The following EYS variants were observed in gnomAD, a reference collection of about 807,000 sequenced individuals.
EYS encodes the protein EGF-like photoreceptor maintenance factor, also known as protein eyes shut homolog.
Under a neutral mutation model 282.1 loss-of-function variants are expected in EYS, and 250 were observed. The ratio of observed to expected loss-of-function variants is 0.89; its 90% CI spans 0.80 to 0.98. The LOEUF is 0.98. Among genes scored for constraint, EYS ranks in the 50% least tolerant of loss-of-function variants. The probability of loss-of-function intolerance (pLI) is 0.00; values close to 1 mark genes in which losing one functional copy is unlikely to be tolerated. For missense variants in EYS, 4,016 were observed against 3,709.0 expected (o/e 1.08, Z -2.15); for synonymous variants, 1,355 against 1,282.9 (o/e 1.06, Z -1.20).
At chr6:64,800,609 CTT>C (rs1774511183) in intron 22 of EYS, among the ~76,000 whole-genome samples, 1 of 146,804 alleles carries the variant, frequency 6.8e-6, no homozygotes, top group African/African-American at 2.5e-5. Flanking sequence ...TTATTTAACT[CTT>C]TAGATTCCTG....
chr6:65,215,215 G>A (rs1043061604), intron 12 of EYS, among the ~76,000 whole-genome samples: 1 of 152,204 alleles, frequency 6.6e-6, no homozygotes, highest in South Asian at 2.1e-4. Context: ...AAACATTCTG[G>A]AAAGGATTCA....
chr6:64,776,550 T>G (rs2149990182), intron 22 of EYS, among the ~76,000 whole-genome samples: 1 of 152,212 alleles, frequency 6.6e-6, no homozygotes, highest in South Asian at 2.1e-4. Flanking sequence ...CCCTTTTTTT[T>G]GCTGACTACT....
intron 12 of EYS, among the ~76,000 whole-genome samples, chr6:65,235,053 G>T (rs371738154): frequency 3.9e-5 from 6 of 152,244 alleles, no homozygotes; most frequent in African/African-American, 1.4e-4. Context: ...GTTCATTAAA[G>T]TTTTATCTTT....
Position 64,227,180 on chromosome 6 carries a change from C to G in EYS, c.6424+3412G>C, listed in dbSNP as rs185688998. On this transcript the variant is annotated intron_variant, in intron 31 of 42. Transcript: ENST00000503581. ...TTTTATATTTTAGTTTAAGTGAAAT[C>G]ATTATGAAAAGATATGACCACTCAG... is the stretch of plus-strand genomic sequence containing the variant. 4.6e-5 allele frequency among the ~76,000 whole-genome samples: 7 copies of G among 152,032 alleles called. No individual in the cohort carries two copies. The East Asian group carries it at 1.2e-3, about 25-fold the overall frequency.
intron 19 of EYS, among the ~76,000 whole-genome samples, chr6:64,833,988 C>A (rs1765303355): frequency 6.6e-6 from 1 of 151,850 alleles, no homozygotes; most frequent in African/African-American, 2.4e-5. Context: ...GGGCCCCAAA[C>A]CAGGGCCTTG....
chr6:65,606,680 T>C (rs556179470), intron 2 of EYS, among the ~76,000 whole-genome samples: 1 of 151,848 alleles, frequency 6.6e-6, no homozygotes, highest in Non-Finnish European at 1.5e-5. Context: ...AACAATTTAA[T>C]ACATTTAAAA....
chr6:65,514,606 A>T (rs1258945004), intron 2 of EYS, among the ~76,000 whole-genome samples: 4 of 152,188 alleles, frequency 2.6e-5, no homozygotes, highest in African/African-American at 9.7e-5. Context: ...AGATCAGTGG[A>T]ACAGAACAGA....
intron 29 of EYS, among the ~76,000 whole-genome samples, chr6:64,320,309 C>T (rs1770165631): frequency 6.6e-6 from 1 of 151,742 alleles, no homozygotes; most frequent in South Asian, 2.1e-4. Context: ...TTTGGAACTC[C>T]AGTTACTTGA....
At chr6:64,693,940 A>T (rs1022091275) in intron 22 of EYS, among the ~76,000 whole-genome samples, 2 of 152,194 alleles carry the variant, frequency 1.3e-5, no homozygotes, top group Admixed American at 1.3e-4. Context: ...GAAATGATTA[A>T]AAGGCAATCA....
At chr6:64,191,654 G>A (rs1043684720) in intron 31 of EYS, among the ~76,000 whole-genome samples, 13 of 152,260 alleles carry the variant, frequency 8.5e-5, no homozygotes, top group Admixed American at 4.6e-4. Context: ...CAAAGGACAC[G>A]AACTCATCAT....
chr6:64,314,334 C>A (rs181785287), intron 29 of EYS, among the ~76,000 whole-genome samples: 64 of 151,338 alleles, frequency 4.2e-4, no homozygotes, highest in African/African-American at 1.5e-3. Context: ...GAAGAGCTAA[C>A]TATCCTAAAT....
chr6:65,075,744 T>G (rs898996060), intron 12 of EYS, among the ~76,000 whole-genome samples: 1 of 151,834 alleles, frequency 6.6e-6, no homozygotes, highest in Non-Finnish European at 1.5e-5. Flanking sequence ...AGCCTAATAT[T>G]TCTAAGGAGA....
At position 64,902,049 on chromosome 6, in the gene EYS, G is replaced by C; in HGVS notation, c.2846+64C>G. The C allele has an allele frequency of 4.7e-6, 5 of 1,052,962 alleles. No individual in the cohort carries two copies. In the South Asian group the frequency reaches 7.4e-5, roughly 16 times the overall value. 65.2% of individuals were successfully genotyped at this position (1,052,962 alleles called of 1,614,324 possible). A position where few individuals can be genotyped will look rare whatever the true frequency, so the allele number is the denominator to read the frequency against. Reference sequence around the variant, plus strand: ...CCTTAGTTACATAATGAGCACATGTGTGCTCACTTTCTTGTTGAATTACAC... The same window carrying C: ...CCTTAGTTACATAATGAGCACATGTCTGCTCACTTTCTTGTTGAATTACAC... On this transcript the variant is annotated intron_variant, in intron 18 of 42. Coordinates refer to ENST00000503581, the MANE Select transcript of EYS (RefSeq NM_001142800.2).
intron 13 of EYS, among the ~76,000 whole-genome samples, chr6:65,028,194 AATTAAAATAGTGC>A (rs1772480328): frequency 6.6e-6 from 1 of 152,088 alleles, no homozygotes; most frequent in African/African-American, 2.4e-5. Context: ...CTTACAAACA[AATTAAAATAGTGC>A]AAGAAACTCC....
At chr6:64,311,904 A>G (rs902312524) in intron 29 of EYS, among the ~76,000 whole-genome samples, 18 of 151,516 alleles carry the variant, frequency 1.2e-4, no homozygotes, top group African/African-American at 4.4e-4. Flanking sequence ...TCTGGTGCCT[A>G]TGCTACCAGG....
At chr6:65,505,159 A>G (rs1055954568) in intron 2 of EYS, among the ~76,000 whole-genome samples, 1 of 151,786 alleles carries the variant, frequency 6.6e-6, no homozygotes, top group African/African-American at 2.4e-5. Context: ...AAATTTGTCT[A>G]TTTTATCAAC....
At chr6:65,537,689 G>A (rs996615719) in intron 2 of EYS, among the ~76,000 whole-genome samples, 1 of 152,140 alleles carries the variant, frequency 6.6e-6, no homozygotes. Context: ...ACTTTAAGAT[G>A]ATTGTCTCTG....
chr6:64,298,430 C>A (rs1312979140), intron 30 of EYS, among the ~76,000 whole-genome samples: 1 of 151,970 alleles, frequency 6.6e-6, no homozygotes, highest in African/African-American at 2.4e-5. Flanking sequence ...GGAGTGGGAA[C>A]AGAGCTGTTA....
chr6:64,936,593 C>T (rs1009379549), intron 15 of EYS, among the ~76,000 whole-genome samples: 1 of 151,388 alleles, frequency 6.6e-6, no homozygotes, highest in Admixed American at 6.6e-5. Flanking sequence ...AAAAATACAT[C>T]ATCAATATAC....
Sources: allele counts gnomAD v4.1 joint callset (sites outside exome capture counted in the v4.1 genomes callset), GRCh38; gene constraint gnomAD v4.1.1; transcripts MANE v1.5; gene names NCBI Gene and HGNC (gene_info 2026-07-23, HGNC 2026-07-21).